Variants in KRT86 observed in about 807,000 individuals in gnomAD.
The protein encoded by KRT86 is keratin 86.
In KRT86, 30 loss-of-function variants were observed where a neutral mutation model predicts 41.2. The ratio of observed to expected loss-of-function variants is 0.73; its 90% confidence interval spans 0.54 to 0.99. The LOEUF is 0.99. Ranked by LOEUF, KRT86 falls within the 50% of genes least tolerant of loss-of-function variation. The pLI, the probability that KRT86 is intolerant of heterozygous loss-of-function variation, is 0.00. For missense variants in KRT86, 561 were observed against 571.4 expected (o/e 0.98, Z 0.19); for synonymous variants, 238 against 238.1 (o/e 1.00, Z 0.00).
intron 2 of KRT86, chr12:52,288,273 A>T (rs1034506589): frequency 6.2e-7 from 1 of 1,603,102 alleles, no homozygotes; most frequent in Non-Finnish European, 8.5e-7. Context: ...AGGGACTGCA[A>T]CCTCTACCCA....
intron 5 of KRT86, 69 bp from the exon 6 acceptor site, chr12:52,304,863 G>T (rs1938465879): frequency 7.2e-6 from 11 of 1,523,110 alleles, no homozygotes; most frequent in Non-Finnish European, 1.0e-5. Context: ...TGGAATGGGT[G>T]GGAAGAGAGA....
Position 52,305,001 on chromosome 12 carries a change from G to A in KRT86, c.709G>A (p.Asp237Asn), listed in dbSNP as rs756052236. Residue 237 changes from aspartate (D) to asparagine (N), a missense_variant, in exon 6 of 11, where the codon GAC (aspartate) becomes AAC (asparagine). Transcript: ENST00000423955. ...TGTGGAGGCCCTGATCCAGGAGATC[G>A]ACTTCCTGAGGCGGCTGTATGAGGA... ...ANVEALIQEI[D>N]FLRRLYEEEI... 7 of 1,614,120 alleles carry A rather than the reference G, an allele frequency of 4.3e-6. No individual in the cohort carries two copies. In the South Asian group the frequency reaches 4.4e-5, roughly 10 times the overall value.
chr12:52,280,319 AGATAAAGGCTG>A (rs1937743360), intron 2 of KRT86, among the ~76,000 whole-genome samples: 1 of 152,166 alleles, frequency 6.6e-6, no homozygotes, highest in Non-Finnish European at 1.5e-5. Flanking sequence ...TGGGGTGGCT[AGATAAAGGCTG>A]GATTTCTGGG....
In KRT86 at chr12:52,284,647, T is replaced by A. The variant is rs77347949; in HGVS notation, c.-5+8701T>A. Among the ~76,000 whole-genome samples the A allele has an allele frequency of 6.0e-3, 910 of 152,346 alleles. 8 individuals carry two copies. The highest frequency in any genetic ancestry group is 0.021 in the African/African-American group (853 of 41,582). ...TGATTCTAGCTTTTACAGGAGAATT[T>A]GTTCTTTTCAGTCCACTCACTTCTG... is the stretch of plus-strand genomic sequence containing the variant. On this transcript the variant is annotated intron_variant, in intron 2 of 10. Transcript: ENST00000423955.
Position 52,302,202 on chromosome 12 carries a change from G to A in KRT86, c.286G>A (p.Asp96Asn), listed in dbSNP as rs1206661089. 2 of 1,255,242 alleles carry A rather than the reference G, an allele frequency of 1.6e-6. No homozygotes were observed. Among genetic ancestry groups the A allele is most frequent in the Non-Finnish European group, 2.2e-6 (2 of 909,504 alleles). The allele number at this position is 1,255,242 out of a possible 1,614,324, so 77.8% of individuals were successfully genotyped here. ...SLLTPLNLEI[D>N]PNAQCVKQEE... The stretch of plus-strand genomic sequence containing the variant: ...CCTCACGCCCCTCAACCTGGAGATC[G>A]ACCCCAACGCGCAGTGCGTGAAGCA... Residue 96 changes from aspartate to asparagine, a missense_variant, in exon 3 of 11, where the codon GAC becomes AAC. Physicochemically the swap from Asp to Asn is conservative, Grantham distance 23. This residue lies in a region of KRT86 where 164 missense variants were observed against 172.5 expected (regional missense o/e 0.95). Transcript: ENST00000423955.
At chr12:52,296,224 A>C (rs1351698000) in intron 2 of KRT86, among the ~76,000 whole-genome samples, 1 of 151,982 alleles carries the variant, frequency 6.6e-6, no homozygotes, top group Non-Finnish European at 1.5e-5. Context: ...AATGAGGGAG[A>C]GATCTTAGGA....
At chr12:52,304,501 C>T (rs1452630106) in intron 5 of KRT86, among the ~76,000 whole-genome samples, 6 of 151,122 alleles carry the variant, frequency 4.0e-5, no homozygotes, top group Non-Finnish European at 7.4e-5. Flanking sequence ...ACAGTGCAGT[C>T]TGTCTAGCAT....
intron 2 of KRT86, among the ~76,000 whole-genome samples, chr12:52,296,986 C>T (rs192728712): frequency 6.6e-6 from 1 of 152,304 alleles, no homozygotes; most frequent in African/African-American, 2.4e-5. Flanking sequence ...CGGCATTCTC[C>T]CTCTCTCTCC....
intron 9 of KRT86, 54 bp from the exon 10 acceptor site, chr12:52,308,179 C>T: frequency 6.2e-7 from 1 of 1,612,516 alleles, no homozygotes; most frequent in Non-Finnish European, 8.5e-7. Flanking sequence ...ACTTCAGTCA[C>T]GGGGGCCCGG....
intron 6 of KRT86, 99 bp from the exon 7 acceptor site, chr12:52,305,141 G>A: frequency 1.2e-6 from 2 of 1,607,696 alleles, no homozygotes; most frequent in Non-Finnish European, 1.7e-6. Context: ...TGTGTGAGGG[G>A]GCAGGGTTGG....
In KRT86 at chr12:52,308,578, G is replaced by A. The variant is rs771169755; in HGVS notation, c.1454G>A (p.Arg485Lys). 1.3e-5 allele frequency: 20 copies of A among 1,596,994 alleles called. No individual in the cohort carries two copies. In the South Asian group the frequency reaches 1.6e-4, roughly 13 times the overall value. Residue 485 changes from arginine (R) to lysine (K), a missense_variant, in exon 11 of 11, where the codon AGG becomes AAG. Arg to Lys is a conservative substitution (Grantham distance 26). This residue lies in a region of KRT86 where 397 missense variants were observed against 375.9 expected (regional missense o/e 1.06). Coordinates refer to ENST00000423955, the MANE Select transcript of KRT86 (RefSeq NM_001320198.2). ...RVGVCGGSCK[R>K]C ...GGCGTCTGCGGCGGCAGCTGTAAGAGGTGCTAGGAGGCTGCCGCCTCCGCC... is the reference window on the plus strand; with the variant it reads ...GGCGTCTGCGGCGGCAGCTGTAAGAAGTGCTAGGAGGCTGCCGCCTCCGCC...
At chr12:52,280,396 C>T (rs1360341445) in intron 2 of KRT86, among the ~76,000 whole-genome samples, 4 of 152,222 alleles carry the variant, frequency 2.6e-5, no homozygotes, top group Non-Finnish European at 5.9e-5. Context: ...GCCCACATTC[C>T]TTTCTATTGC....
chr12:52,291,566 C>G (rs1938127172), intron 2 of KRT86: 2 of 1,527,532 alleles, frequency 1.3e-6, no homozygotes, highest in Admixed American at 2.0e-5. Flanking sequence ...CCTATTTATG[C>G]GCAGATTCTG....
At chr12:52,308,183 G>A (rs775363746) in intron 9 of KRT86, 50 bp from the exon 10 acceptor site, 39 of 1,613,658 alleles carry the variant, frequency 2.4e-5, no homozygotes, top group Admixed American at 8.3e-5. Context: ...CAGTCACGGG[G>A]GCCCGGCGCC....
Position 52,305,681 on chromosome 12 carries a change from A to G in KRT86, c.919A>G (p.Thr307Ala). Residue 307 changes from threonine to alanine, a missense_variant, in exon 8 of 11, where the codon ACG (threonine) becomes GCG (alanine). By Grantham distance (58) the Thr-to-Ala change is moderately conservative. Around this residue, in one of 3 missense-constraint regions of KRT86, gnomAD observed 397 missense variants for 375.9 expected, o/e 1.06. Transcript: ENST00000423955. ...CCCCCAGTGTGAGGAGATGAAGGCC[A>G]CGGTGATCAGGCACGGGGAGACCCT... ...YRSKCEEMKA[T>A]VIRHGETLRR... 3 of 1,614,106 alleles carry G rather than the reference A, an allele frequency of 1.9e-6. No homozygotes were observed. Among genetic ancestry groups the G allele is most frequent in the Non-Finnish European group, 2.5e-6 (3 of 1,179,954 alleles).
At chr12:52,277,942 G>T (rs1937671419) in intron 2 of KRT86, among the ~76,000 whole-genome samples, 1 of 152,214 alleles carries the variant, frequency 6.6e-6, no homozygotes, top group Non-Finnish European at 1.5e-5. Flanking sequence ...CTGGGACGGG[G>T]TGACCCATAG....
chr12:52,301,641 G>A (rs939129927), intron 2 of KRT86, among the ~76,000 whole-genome samples: 2 of 152,102 alleles, frequency 1.3e-5, no homozygotes, highest in Non-Finnish European at 2.9e-5. Context: ...GACGTGAGTT[G>A]GTCCTTTGAA....
At chr12:52,283,404 A>AT (rs1565737407) in intron 2 of KRT86, among the ~76,000 whole-genome samples, 1 of 136,700 alleles carries the variant, frequency 7.3e-6, no homozygotes, top group Non-Finnish European at 1.6e-5. Context: ...AAAAAAAAAA[A>AT]AAAAAAAAAA....
intron 2 of KRT86, chr12:52,291,153 C>T (rs1938104017): frequency 9.1e-7 from 1 of 1,099,078 alleles, no homozygotes; most frequent in Non-Finnish European, 1.3e-6. Flanking sequence ...TCCTTCTCCT[C>T]CTGCTTCACG....
Sources: allele counts gnomAD v4.1 joint callset (sites outside exome capture counted in the v4.1 genomes callset), GRCh38; gene constraint gnomAD v4.1.1; regional missense constraint gnomAD v4.1.1; transcripts MANE v1.5; gene names NCBI Gene and HGNC (gene_info 2026-07-23, HGNC 2026-07-21).